GUCY1A2: variants seen among roughly 807,000 people sequenced by gnomAD.
GUCY1A2 encodes the protein guanylate cyclase 1 soluble subunit alpha 2, also known as guanylate cyclase soluble subunit alpha-2.
A neutral mutation model predicts 63.5 loss-of-function variants in GUCY1A2; 27 were observed. That is an observed-to-expected ratio of 0.43 (90% CI 0.31 to 0.59). The LOEUF (loss-of-function observed/expected upper bound fraction) is 0.59, where lower values mean the gene tolerates loss of function less well. Ranked by LOEUF, GUCY1A2 falls within the 20% of genes least tolerant of loss-of-function variation. The probability of loss-of-function intolerance (pLI) is 0.11; values close to 1 mark genes in which losing one functional copy is unlikely to be tolerated. For missense variants in GUCY1A2, 768 were observed against 913.3 expected (o/e 0.84, Z 2.05); for synonymous variants, 364 against 343.5 (o/e 1.06, Z -0.66).
rs1290330633 is a variant in GUCY1A2, at chr11:106,826,399, A to C, written c.1207-15921T>G. ...CTTGAAGAAATTCCATTTTTAGTCA[A>C]AATAATCTTCTATATCAATATTTGG... is the stretch of plus-strand genomic sequence containing the variant. On this transcript the variant is annotated intron_variant, in intron 4 of 7. Coordinates refer to ENST00000526355, the MANE Select transcript of GUCY1A2 (RefSeq NM_000855.3). 5.8e-6 allele frequency: 9 copies of C among 1,553,196 alleles called. No individual in the cohort carries two copies. The African/African-American group carries it at 8.2e-5, about 14-fold the overall frequency.
chr11:106,895,438 T>C (rs1473208189), intron 4 of GUCY1A2, among the ~76,000 whole-genome samples: 2 of 152,142 alleles, frequency 1.3e-5, no homozygotes, highest in Non-Finnish European at 1.5e-5. Context: ...ATAATCCCCA[T>C]GTGTCAAGGA....
chr11:106,974,808 G>A (rs1420997211), intron 3 of GUCY1A2, among the ~76,000 whole-genome samples: 1 of 152,080 alleles, frequency 6.6e-6, no homozygotes, highest in East Asian at 1.9e-4. Flanking sequence ...TATCTTTTCA[G>A]AACTATGCAC....
At chr11:106,862,239 T>C (rs1367724604) in intron 4 of GUCY1A2, among the ~76,000 whole-genome samples, 1 of 152,020 alleles carries the variant, frequency 6.6e-6, no homozygotes, top group Non-Finnish European at 1.5e-5. Flanking sequence ...TATTACTCAC[T>C]GACCTCAAAC....
chr11:106,826,840 T>A, intron 4 of GUCY1A2: 1 of 1,607,446 alleles, frequency 6.2e-7, no homozygotes, highest in South Asian at 1.1e-5. Flanking sequence ...AGCATAGATA[T>A]CAGGAAGGGA....
intron 4 of GUCY1A2, among the ~76,000 whole-genome samples, chr11:106,902,655 C>T (rs1212540508): frequency 1.3e-5 from 2 of 152,128 alleles, no homozygotes. Flanking sequence ...TATAATCGGC[C>T]ATCAACATCC....
At chr11:106,733,207 AT>A (rs67941271) in intron 6 of GUCY1A2, among the ~76,000 whole-genome samples, 46,387 of 151,928 alleles carry the variant, frequency 0.31, 7,386 homozygotes, top group Non-Finnish European at 0.34. Context: ...TAGGAGTTTT[AT>A]TTTTTTAAAT....
chr11:106,944,775 G>A (rs7120860), intron 3 of GUCY1A2, among the ~76,000 whole-genome samples: 98,677 of 152,006 alleles, frequency 0.65, 32,243 homozygotes, highest in East Asian at 0.86. Context: ...TTTTCACCTA[G>A]TAACCACATC....
chr11:107,007,776 A>G (rs899115919), intron 1 of GUCY1A2, among the ~76,000 whole-genome samples: 12 of 152,188 alleles, frequency 7.9e-5, no homozygotes, highest in African/African-American at 2.9e-4. Context: ...AGATATATGG[A>G]TATGCTGGTT....
At chr11:106,728,236 A>G (rs1863441107) in intron 6 of GUCY1A2, among the ~76,000 whole-genome samples, 1 of 152,094 alleles carries the variant, frequency 6.6e-6, no homozygotes, top group African/African-American at 2.4e-5. Context: ...CGATCTGTTA[A>G]TCTTCAACAC....
intron 4 of GUCY1A2, among the ~76,000 whole-genome samples, chr11:106,868,361 C>A (rs988706547): frequency 6.6e-6 from 1 of 151,890 alleles, no homozygotes; most frequent in Non-Finnish European, 1.5e-5. Context: ...AAAACCCCAT[C>A]GTCTCAGCCC....
chr11:106,798,631 A>T (rs564266210), intron 5 of GUCY1A2, among the ~76,000 whole-genome samples: 273 of 152,354 alleles, frequency 1.8e-3, no homozygotes, highest in African/African-American at 6.3e-3. Flanking sequence ...AATAAATGTA[A>T]TCCAGCATAT....
At chr11:106,815,258 TG>T (rs1858815727) in intron 4 of GUCY1A2, among the ~76,000 whole-genome samples, 1 of 151,822 alleles carries the variant, frequency 6.6e-6, no homozygotes, top group African/African-American at 2.4e-5. Flanking sequence ...GAAAATAGGC[TG>T]AAAAAAAGTT....
intron 4 of GUCY1A2, among the ~76,000 whole-genome samples, chr11:106,825,905 G>T (rs1402919306): frequency 6.6e-6 from 1 of 152,140 alleles, no homozygotes; most frequent in Non-Finnish European, 1.5e-5. Context: ...TATAAAACCA[G>T]AAGTACAATT....
chr11:106,832,359 G>A (rs1306049046), intron 4 of GUCY1A2, among the ~76,000 whole-genome samples: 2 of 151,994 alleles, frequency 1.3e-5, no homozygotes, highest in Non-Finnish European at 2.9e-5. Context: ...AATCTCTAGG[G>A]CAAACTATGT....
At chr11:106,816,683 A>C (rs1858836783) in intron 4 of GUCY1A2, among the ~76,000 whole-genome samples, 1 of 151,932 alleles carries the variant, frequency 6.6e-6, no homozygotes, top group Admixed American at 6.6e-5. Flanking sequence ...TTGAAAAAAC[A>C]TCAATAAAAT....
intron 6 of GUCY1A2, among the ~76,000 whole-genome samples, chr11:106,743,015 A>G (rs1216139967): frequency 6.6e-6 from 1 of 152,208 alleles, no homozygotes. Flanking sequence ...ATAGTACCAC[A>G]CCACTAAATT....
At position 106,800,763 on chromosome 11, in the gene GUCY1A2, A is replaced by G. The variant is rs977592588; in HGVS notation, c.1692+9230T>C. Among the ~76,000 whole-genome samples the G allele has an allele frequency of 3.4e-4, 52 of 152,128 alleles. 1 individual carries two copies. Among genetic ancestry groups the G allele is most frequent in the Non-Finnish European group, 2.9e-5 (2 of 68,012 alleles). ...TGGGGTAGGGGGAAGGGGGAGGGAT[A>G]GCATTAGGAGATATACCTAATGAAA... On this transcript the variant is annotated intron_variant, in intron 5 of 7. Transcript: ENST00000526355.
chr11:106,973,158 A>C (rs1172397780), intron 3 of GUCY1A2, among the ~76,000 whole-genome samples: 3 of 152,104 alleles, frequency 2.0e-5, no homozygotes, highest in Non-Finnish European at 4.4e-5. Context: ...TTGTTTAATA[A>C]GATTATATGA....
At chr11:106,990,886 A>T (rs542376939) in intron 1 of GUCY1A2, among the ~76,000 whole-genome samples, 1 of 152,354 alleles carries the variant, frequency 6.6e-6, no homozygotes, top group South Asian at 2.1e-4. Context: ...CACATAATTT[A>T]AAAACAATCA....
Sources: allele counts gnomAD v4.1 joint callset (sites outside exome capture counted in the v4.1 genomes callset), GRCh38; gene constraint gnomAD v4.1.1; transcripts MANE v1.5; gene names NCBI Gene and HGNC (gene_info 2026-07-23, HGNC 2026-07-21).